EXOC1: variants seen among roughly 807,000 people sequenced by gnomAD.
EXOC1 encodes the protein exocyst complex component 1.
In EXOC1, 67 loss-of-function variants were observed where a neutral mutation model predicts 107.7. The observed-to-expected ratio is 0.62, with a 90% CI of 0.51 to 0.76. The LOEUF (loss-of-function observed/expected upper bound fraction) is 0.76. Ranked by LOEUF, EXOC1 falls within the 30% of genes least tolerant of loss-of-function variation. The pLI, the probability that EXOC1 is intolerant of heterozygous loss-of-function variation, is 0.00. For synonymous variants in EXOC1, 348 were observed against 353.5 expected (o/e 0.98, Z 0.17); for missense variants, 833 against 1,055.7 (o/e 0.79, Z 2.92).
chr4:55,870,628 T>TTTTGTTTGTTTGTTTG lies in EXOC1; in HGVS notation c.604-34_604-19dup, dbSNP rs34281712. The TTTTGTTTGTTTGTTTG allele has an allele frequency of 9.1e-6, 12 of 1,318,372 alleles. No individual in the cohort carries two copies. The Admixed American group carries it at 9.2e-5, about 10-fold the overall frequency. 81.7% of individuals were successfully genotyped at this position (1,318,372 alleles called of 1,614,324 possible). A position where few individuals can be genotyped will look rare whatever the true frequency, so the allele number is the denominator to read the frequency against. On this transcript the variant is annotated intron_variant, in intron 5 of 18. Transcript: ENST00000381295. ...TACACATCTAAATAACAAGTATGTT[T>TTTTGTTTGTTTGTTTG]TTTGTTTGTTTGTTTGTTTGTTTGT...
At chr4:55,880,006 A>G (rs1279002092) in intron 9 of EXOC1, among the ~76,000 whole-genome samples, 1 of 152,156 alleles carries the variant, frequency 6.6e-6, no homozygotes, top group Non-Finnish European at 1.5e-5. Context: ...TATAAAAGCA[A>G]CTTCTATCTG....
At chr4:55,858,954 A>G (rs1237853053) in intron 2 of EXOC1, among the ~76,000 whole-genome samples, 1 of 152,190 alleles carries the variant, frequency 6.6e-6, no homozygotes, top group Non-Finnish European at 1.5e-5. Flanking sequence ...GTCTTAAAAG[A>G]TCCTTCCCTG....
At position 55,892,717 on chromosome 4, in the gene EXOC1, T is replaced by C. The variant is rs771482262; in HGVS notation, c.1724+6T>C. On this transcript the variant is annotated splice_donor_region_variant and intron_variant, in intron 14 of 18. Coordinates refer to ENST00000381295, the MANE Select transcript of EXOC1 (RefSeq NM_001024924.2). ...CCACTGCCTGTTTCATCTGAGTATG[T>C]CTTTGTTACTATCATTGTTTATTTT... 1.2e-6 allele frequency: 2 copies of C among 1,613,194 alleles called. No individual in the cohort carries two copies. The highest frequency in any genetic ancestry group is 4.5e-5 in the East Asian group (2 of 44,872).
chr4:55,900,398 C>CAGT (rs1725760847), intron 17 of EXOC1, among the ~76,000 whole-genome samples: 1 of 152,148 alleles, frequency 6.6e-6, no homozygotes, highest in South Asian at 2.1e-4. Flanking sequence ...TTGCTTTCTA[C>CAGT]ATTGCCTTTT....
At chr4:55,903,254 G>A (rs1465106745) in intron 18 of EXOC1, among the ~76,000 whole-genome samples, 2 of 151,966 alleles carry the variant, frequency 1.3e-5, no homozygotes, top group Non-Finnish European at 2.9e-5. Context: ...TAACTAATGG[G>A]TAGTGGAGCC....
chr4:55,878,073 A>G lies in EXOC1; in HGVS notation c.1224+7A>G. The G allele has an allele frequency of 6.2e-7, 1 of 1,611,120 alleles. No individual in the cohort carries two copies. Among genetic ancestry groups the G allele is most frequent in the Non-Finnish European group, 8.5e-7 (1 of 1,178,540 alleles). On this transcript the variant is annotated splice_region_variant and intron_variant, in intron 9 of 18. Transcript: ENST00000381295. ...ATATGAAGGACTAACAAAGGTATGG[A>G]TTTGACGTCATTTACTCACTGAGAA...
At chr4:55,899,200 T>G (rs1164702395) in intron 16 of EXOC1, among the ~76,000 whole-genome samples, 1 of 152,150 alleles carries the variant, frequency 6.6e-6, no homozygotes, top group African/African-American at 2.4e-5. Flanking sequence ...ATCTTTCCCC[T>G]TAACAGTCTT....
At chr4:55,893,207 C>T (rs1321246816) in intron 14 of EXOC1, among the ~76,000 whole-genome samples, 2 of 152,164 alleles carry the variant, frequency 1.3e-5, no homozygotes, top group Non-Finnish European at 2.9e-5. Context: ...CTGCACTTCA[C>T]CTCCCGGGTT....
chr4:55,893,445 A>T, intron 14 of EXOC1, 107 bp from the exon 15 acceptor site: 1 of 974,438 alleles, frequency 1.0e-6, no homozygotes, highest in Non-Finnish European at 1.5e-6. Flanking sequence ...ATTGAAATTT[A>T]ATTATGGTAT....
intron 8 of EXOC1, chr4:55,877,220 T>A: frequency 1.0e-6 from 1 of 985,392 alleles, no homozygotes; most frequent in Non-Finnish European, 1.2e-6. Flanking sequence ...GGAAATGAGT[T>A]AACTAGCTCC....
intron 18 of EXOC1, among the ~76,000 whole-genome samples, chr4:55,903,138 T>C (rs1577801345): frequency 8.0e-6 from 1 of 124,948 alleles, no homozygotes; most frequent in Non-Finnish European, 1.6e-5. Context: ...AGTGAGGCCG[T>C]GTCTCAATTA....
At chr4:55,892,506 T>C in intron 13 of EXOC1, 129 bp from the exon 14 acceptor site, 1 of 703,618 alleles carries the variant, frequency 1.4e-6, no homozygotes, top group East Asian at 2.7e-5. Context: ...ATCATAATGC[T>C]ACCTTTAAAA....
intron 16 of EXOC1, among the ~76,000 whole-genome samples, chr4:55,899,257 T>C (rs962700465): frequency 1.3e-5 from 2 of 152,188 alleles, no homozygotes; most frequent in Non-Finnish European, 1.5e-5. Flanking sequence ...TGCAAAATTA[T>C]TATTTTTCTA....
intron 8 of EXOC1, 68 bp from the exon 9 acceptor site, chr4:55,877,849 T>G: frequency 6.3e-7 from 1 of 1,588,308 alleles, no homozygotes. Context: ...GGTCATTGTT[T>G]AGACTTTTTA....
intron 9 of EXOC1, chr4:55,883,307 A>G (rs1723578200): frequency 6.6e-6 from 1 of 152,152 alleles, no homozygotes; most frequent in Non-Finnish European, 1.5e-5. Flanking sequence ...AGATTCCCAT[A>G]CACTTTGACC....
chr4:55,859,450 A>G (rs1288366643), intron 2 of EXOC1, among the ~76,000 whole-genome samples: 2 of 152,186 alleles, frequency 1.3e-5, no homozygotes, highest in African/African-American at 2.4e-5. Flanking sequence ...TTAGAATTCT[A>G]CAATGAATTG....
At chr4:55,872,878 T>A in intron 8 of EXOC1, 1 of 531,532 alleles carries the variant, frequency 1.9e-6, no homozygotes, top group Non-Finnish European at 2.4e-6. Flanking sequence ...TTGCTAAACT[T>A]AACAGCAGCC....
intron 4 of EXOC1, among the ~76,000 whole-genome samples, chr4:55,864,744 C>A (rs1322018846): frequency 1.3e-5 from 2 of 151,900 alleles, no homozygotes; most frequent in East Asian, 1.9e-4. Context: ...GAATACTTAC[C>A]CCAACATTAT....
At chr4:55,859,464 G>T (rs1315805440) in intron 2 of EXOC1, among the ~76,000 whole-genome samples, 1 of 152,022 alleles carries the variant, frequency 6.6e-6, no homozygotes, top group African/African-American at 2.4e-5. Context: ...TGAATTGTTG[G>T]TGTTTTATAT....
Sources: allele counts gnomAD v4.1 joint callset (sites outside exome capture counted in the v4.1 genomes callset), GRCh38; gene constraint gnomAD v4.1.1; transcripts MANE v1.5; gene names NCBI Gene and HGNC (gene_info 2026-07-23, HGNC 2026-07-21).